The following ALAS1 variants were observed in gnomAD, a reference collection of about 807,000 sequenced individuals.
ALAS1 encodes 5'-aminolevulinate synthase 1.
In ALAS1, 29 loss-of-function variants were observed where a neutral mutation model predicts 59.6. The observed-to-expected ratio is 0.49, with a 90% CI of 0.36 to 0.66. The LOEUF (loss-of-function observed/expected upper bound fraction) is 0.66. ALAS1 is among the 30% of genes least tolerant of loss of function. ALAS1 has a pLI of 0.00. For synonymous variants in ALAS1, 299 were observed against 296.6 expected (o/e 1.01, Z -0.08); for missense variants, 690 against 807.5 (o/e 0.85, Z 1.76).
intron 5 of ALAS1, 118 bp downstream of exon 5, chr3:52,204,130 G>A: frequency 9.3e-7 from 1 of 1,076,192 alleles, no homozygotes; most frequent in African/African-American, 1.6e-5. Context: ...TGTAATCCCA[G>A]CACTTTGGGA....
chr3:52,204,523 A>G (rs542087187), intron 5 of ALAS1, among the ~76,000 whole-genome samples, 170 bp from the exon 6 acceptor site: 2 of 152,340 alleles, frequency 1.3e-5, no homozygotes, highest in East Asian at 3.9e-4. Context: ...CCGTCTACAC[A>G]TGGCACTGAG....
chr3:52,212,412 A>G lies in ALAS1; in HGVS notation c.1754A>G (p.Tyr585Cys), dbSNP rs200361165. 3.7e-6 allele frequency: 6 copies of G among 1,613,826 alleles called. No individual in the cohort carries two copies. Among genetic ancestry groups the G allele is most frequent in the East Asian group, 2.2e-5 (1 of 44,880 alleles). Reference protein sequence around the residue: ...TPHHTPQMMNYFLENLLVTWK... With the variant: ...TPHHTPQMMNCFLENLLVTWK... ...CACCACACACCCCAGATGATGAACT[A>G]CTTCCTTGGTGAGTACCTGGGGAGC... Residue 585 changes from tyrosine (Y) to cysteine (C), a missense_variant, in exon 11 of 12, where the codon TAC becomes TGC. Coordinates refer to ENST00000484952, the MANE Select transcript of ALAS1 (RefSeq NM_000688.6).
chr3:52,210,354 C>G (rs1241136252), intron 9 of ALAS1, among the ~76,000 whole-genome samples: 2 of 152,180 alleles, frequency 1.3e-5, no homozygotes, highest in African/African-American at 4.8e-5. Flanking sequence ...TTTGGGCACA[C>G]TGGGACCAGT....
chr3:52,209,459 A>G (rs1215405313), intron 9 of ALAS1, among the ~76,000 whole-genome samples: 2 of 152,150 alleles, frequency 1.3e-5, no homozygotes, highest in African/African-American at 4.8e-5. Context: ...TGCCCGCCTC[A>G]GCCTCCCAAA....
chr3:52,206,784 A>G, intron 8 of ALAS1, 33 bp downstream of exon 8: 1 of 1,601,304 alleles, frequency 6.2e-7, no homozygotes. Context: ...CTGAAACCTA[A>G]GATGAAAAAC....
At chr3:52,211,647 G>A in intron 10 of ALAS1, 96 bp downstream of exon 10, 1 of 1,527,354 alleles carries the variant, frequency 6.5e-7, no homozygotes, top group East Asian at 2.3e-5. Context: ...TTGGGCTTGA[G>A]CGGGGTGACT....
intron 2 of ALAS1, 150 bp from the exon 3 acceptor site, chr3:52,199,060 C>A: frequency 2.1e-6 from 2 of 954,656 alleles, no homozygotes; most frequent in Non-Finnish European, 3.1e-6. Context: ...TTCCTTAGCT[C>A]ACATCAGTGC....
In ALAS1 at chr3:52,212,297, C is replaced by T. The variant is rs1699425643; in HGVS notation, c.1639C>T (p.Leu547=). Residue 547 remains leucine, a synonymous_variant, in exon 11 of 12, where the codon CTA becomes TTA. Transcript: ENST00000484952. ...TAAAAACACAGAAGTCTGTGATGAA[C>T]TAATGAGCAGACATAACATCTACGT... ...AAKNTEVCDE[L]MSRHNIYVQA... 6.2e-7 allele frequency: 1 copy of T among 1,614,112 alleles called. No individual in the cohort carries two copies. The highest frequency in any genetic ancestry group is 2.2e-5 in the East Asian group (1 of 44,884).
chr3:52,210,048 A>G (rs1477613893), intron 9 of ALAS1, among the ~76,000 whole-genome samples: 1 of 152,160 alleles, frequency 6.6e-6, no homozygotes, highest in Non-Finnish European at 1.5e-5. Context: ...AGAATTGAAA[A>G]CCAAGTCTGG....
At chr3:52,205,734 A>G in intron 6 of ALAS1, 105 bp from the exon 7 acceptor site, 2 of 1,096,834 alleles carry the variant, frequency 1.8e-6, no homozygotes, top group Non-Finnish European at 2.6e-6. Context: ...GAGAGTTGCT[A>G]CATCAACATG....
intron 4 of ALAS1, among the ~76,000 whole-genome samples, 169 bp downstream of exon 4, chr3:52,202,903 G>T (rs1037185972): frequency 1.3e-5 from 2 of 152,196 alleles, no homozygotes; most frequent in Non-Finnish European, 2.9e-5. Context: ...GGACTGTATT[G>T]CGAAAGTGGG....
In ALAS1 at chr3:52,206,633, C is replaced by T; in HGVS notation, c.1047C>T (p.Ser349=). The T allele has an allele frequency of 6.2e-7, 1 of 1,614,226 alleles. No homozygotes were observed. Among genetic ancestry groups the T allele is most frequent in the Non-Finnish European group, 8.5e-7 (1 of 1,180,042 alleles). Residue 349 remains serine, a synonymous_variant, in exon 8 of 12, where the codon AGC becomes AGT. Coordinates refer to ENST00000484952, the MANE Select transcript of ALAS1 (RefSeq NM_000688.6). ...HASMIQGIRN[S]RVPKYIFRHN... ...CCATGATCCAAGGGATTCGAAACAGCCGAGTGCCAAAGTACATCTTCCGCC... is the reference window on the plus strand; with the variant it reads ...CCATGATCCAAGGGATTCGAAACAGTCGAGTGCCAAAGTACATCTTCCGCC...
rs768131180 is a variant in ALAS1 at position 52,206,757 on chromosome 3, T to C, written c.1165+6T>C. ...AACTGTCCATTCAATGGATGGTAAG[T>C]GTGGATAGAGGTTCCTCTGAAACCT... is the stretch of plus-strand genomic sequence containing the variant. On this transcript the variant is annotated splice_donor_region_variant and intron_variant, in intron 8 of 11. Coordinates refer to ENST00000484952, the MANE Select transcript of ALAS1 (RefSeq NM_000688.6). 1.9e-6 allele frequency: 3 copies of C among 1,613,260 alleles called. No homozygotes were observed. Among genetic ancestry groups the C allele is most frequent in the African/African-American group, 2.7e-5 (2 of 74,870 alleles).
intron 3 of ALAS1, among the ~76,000 whole-genome samples, chr3:52,201,081 A>G (rs968637587): frequency 2.6e-5 from 4 of 152,314 alleles, no homozygotes; most frequent in East Asian, 1.9e-4. Context: ...GCCTTCCGTT[A>G]TAGAAGATTT....
intron 5 of ALAS1, 114 bp downstream of exon 5, chr3:52,204,126 C>G: frequency 8.9e-7 from 1 of 1,119,058 alleles, no homozygotes; most frequent in Non-Finnish European, 1.2e-6. Flanking sequence ...TACCTGTAAT[C>G]CCAGCACTTT....
At chr3:52,201,860 G>C (rs1258378237) in intron 3 of ALAS1, among the ~76,000 whole-genome samples, 2 of 152,142 alleles carry the variant, frequency 1.3e-5, no homozygotes, top group Non-Finnish European at 1.5e-5. Context: ...AGTGTAGTTG[G>C]GGTAGAAATT....
rs374237028 is a variant in ALAS1 at position 52,211,254 on chromosome 3, C to T, written c.1331-29C>T. Reference sequence around the variant, plus strand: ...CATTTAGAGCAATTTACAGCTGTTGCTGTAATTAATGAAGCTATCTCCTCC... The same window carrying T: ...CATTTAGAGCAATTTACAGCTGTTGTTGTAATTAATGAAGCTATCTCCTCC... On this transcript the variant is annotated intron_variant, in intron 9 of 11. Transcript: ENST00000484952. The T allele has an allele frequency of 6.8e-6, 11 of 1,606,144 alleles. No individual in the cohort carries two copies. In the African/African-American group the frequency reaches 1.3e-4, roughly 20 times the overall value.
intron 9 of ALAS1, among the ~76,000 whole-genome samples, chr3:52,210,611 C>T (rs1017566130): frequency 6.6e-6 from 1 of 151,982 alleles, no homozygotes; most frequent in Admixed American, 6.6e-5. Context: ...CTCCTCTCTA[C>T]ACAAAATAAA....
chr3:52,200,718 A>G (rs1285024436), intron 3 of ALAS1, among the ~76,000 whole-genome samples: 1 of 152,182 alleles, frequency 6.6e-6, no homozygotes, highest in Non-Finnish European at 1.5e-5. Context: ...TTGTATATAC[A>G]TTTGTTGTTG....
Sources: gnomAD v4.1 joint callset for allele counts (sites outside exome capture counted in the v4.1 genomes callset) on GRCh38, gnomAD v4.1.1 for gene constraint, MANE v1.5 for transcripts, NCBI Gene and HGNC (gene_info 2026-07-23, HGNC 2026-07-21) for gene names.